Variants in CLDN11 observed in about 807,000 individuals in gnomAD.
CLDN11 encodes the protein claudin-11.
CLDN11 carries 1 observed loss-of-function variant against 18.0 expected under a neutral mutation model. That is an observed-to-expected ratio of 0.06 (90% CI 0.02 to 0.26). The LOEUF is 0.26. CLDN11 is among the 10% of genes least tolerant of loss of function. The pLI is 1.00. For missense variants in CLDN11, 172 were observed against 276.6 expected (o/e 0.62, Z 2.68); for synonymous variants, 116 against 121.5 (o/e 0.96, Z 0.30).
At position 170,433,640 on chromosome 3, in the gene CLDN11, A is replaced by AT. The variant is rs934170587; in HGVS notation, c.*890dup. Reference sequence around the variant, plus strand: ...TAAGTTGAGGGCCAGGGGTAGGGATATTTTTTAGTTTGTGATTTTACATTT... The same window carrying AT: ...TAAGTTGAGGGCCAGGGGTAGGGATATTTTTTTAGTTTGTGATTTTACATTT... On this transcript the variant is annotated 3_prime_UTR_variant, in exon 3 of 3. Transcript: ENST00000064724. 14 of 152,494 alleles carry AT rather than the reference A, an allele frequency of 9.2e-5. No individual in the cohort carries two copies. Among genetic ancestry groups the AT allele is most frequent in the African/African-American group, 2.9e-4 (12 of 41,412 alleles). The allele number at this position is 152,494 out of a possible 1,614,324, so 9.4% of individuals were successfully genotyped here. A position where few individuals can be genotyped will look rare whatever the true frequency, so the allele number is the denominator to read the frequency against.
At chr3:170,429,531 C>T (rs1209249560) in intron 2 of CLDN11, among the ~76,000 whole-genome samples, 1 of 152,146 alleles carries the variant, frequency 6.6e-6, no homozygotes, top group Non-Finnish European at 1.5e-5. Flanking sequence ...TCCATTCGTT[C>T]CCCCGTTCAC....
rs1005606620 is a variant in CLDN11 at position 170,419,676 on chromosome 3, C to T, written c.226+384C>T. On this transcript the variant is annotated intron_variant, in intron 1 of 2. Transcript: ENST00000064724. The surrounding 1 kb of genome is among the most constrained non-coding windows in gnomAD (Gnocchi z 8.6). The stretch of plus-strand genomic sequence containing the variant: ...GCCCGGCCTCCCCCGGGGCGCCGAG[C>T]CTTCGCGTTAGGTTCCGCCCGCAGA... 6.6e-6 allele frequency among the ~76,000 whole-genome samples: 1 copy of T among 152,224 alleles called. No individual in the cohort carries two copies. The highest frequency in any genetic ancestry group is 6.5e-5 in the Admixed American group (1 of 15,290).
chr3:170,421,349 C>T (rs1738718332), intron 1 of CLDN11: 5 of 973,068 alleles, frequency 5.1e-6, no homozygotes, highest in Non-Finnish European at 6.1e-6. Flanking sequence ...TGAGTACTGG[C>T]TCTCTACAAG....
Position 170,419,034 on chromosome 3 carries a change from G to A in CLDN11, c.-33G>A, listed in dbSNP as rs1009787281. On this transcript the variant is annotated 5_prime_UTR_variant, in exon 1 of 3. Transcript: ENST00000064724. This position sits in a 1 kb window ranked among gnomAD's most constrained non-coding sequence, Gnocchi z 8.6. Reference sequence around the variant, plus strand: ...AGCCCAGGCCCAGGCACAGCCGTGAGGGGCGAGGCACGGGGACATCCTGGC... The same window carrying A: ...AGCCCAGGCCCAGGCACAGCCGTGAAGGGCGAGGCACGGGGACATCCTGGC... The A allele has an allele frequency of 6.7e-7, 1 of 1,491,910 alleles. No homozygotes were observed. The highest frequency in any genetic ancestry group is 1.4e-5 in the African/African-American group (1 of 71,908). The allele number at this position is 1,491,910 out of a possible 1,614,324, so 92.4% of individuals were successfully genotyped here. A position where few individuals can be genotyped will look rare whatever the true frequency, so the allele number is the denominator to read the frequency against.
At chr3:170,421,570 G>A (rs1351719156) in intron 1 of CLDN11, among the ~76,000 whole-genome samples, 2 of 152,178 alleles carry the variant, frequency 1.3e-5, no homozygotes, top group South Asian at 2.1e-4. Flanking sequence ...CTTTTTGCAC[G>A]TGAGGGTCGT....
At position 170,432,713 on chromosome 3, in the gene CLDN11, C is replaced by A. The variant is rs771086183; in HGVS notation, c.581C>A (p.Ala194Glu). The A allele has an allele frequency of 6.2e-7, 1 of 1,614,202 alleles. No individual in the cohort carries two copies. Among genetic ancestry groups the A allele is most frequent in the Non-Finnish European group, 8.5e-7 (1 of 1,180,038 alleles). ...AFGENRFYYT[A>E]GSSSPTHAKS... ...GGTGAAAACCGTTTCTACTACACTG[C>A]GGGCTCTAGCTCCCCGACTCATGCG... The change falls in exon 3 of 3, where the codon GCG becomes GAG. Residue 194 changes from alanine (A) to glutamate (E), a missense_variant. Ala to Glu is a moderately radical substitution (Grantham distance 107). Transcript: ENST00000064724.
Position 170,434,348 on chromosome 3 carries a change from C to T in CLDN11, c.*1592C>T, listed in dbSNP as rs141576986. 1.9e-4 allele frequency among the ~76,000 whole-genome samples: 29 copies of T among 152,244 alleles called. No homozygotes were observed. In the East Asian group the frequency reaches 4.0e-3, roughly 21 times the overall value. ...GTGACTTTATGGCATCTTTAATCAT[C>T]GATCAATGGGCAGCAATCAGAAACA... On this transcript the variant is annotated 3_prime_UTR_variant, in exon 3 of 3. Coordinates refer to ENST00000064724, the MANE Select transcript of CLDN11 (RefSeq NM_005602.6).
chr3:170,422,308 G>A (rs1365092166), intron 1 of CLDN11, among the ~76,000 whole-genome samples: 1 of 152,162 alleles, frequency 6.6e-6, no homozygotes, highest in Non-Finnish European at 1.5e-5. Context: ...CTTTTTTGAG[G>A]ATTTGGTATA....
chr3:170,423,605 T>A, intron 2 of CLDN11: 1 of 410,200 alleles, frequency 2.4e-6, no homozygotes, highest in Non-Finnish European at 4.5e-6. Flanking sequence ...ACCTGAAAGA[T>A]GGAAGCCTTC....
intron 1 of CLDN11, among the ~76,000 whole-genome samples, chr3:170,421,046 C>G (rs1208617781): frequency 6.7e-6 from 1 of 149,610 alleles, no homozygotes; most frequent in Non-Finnish European, 1.5e-5. Flanking sequence ...ATAAAATTAA[C>G]TTTGTTTTCT....
intron 2 of CLDN11, among the ~76,000 whole-genome samples, chr3:170,431,231 T>A (rs943408614): frequency 1.3e-5 from 2 of 152,198 alleles, no homozygotes; most frequent in Non-Finnish European, 2.9e-5. Context: ...AATCACTTAC[T>A]ATGAGTAGAA....
chr3:170,429,504 T>C (rs73163841), intron 2 of CLDN11, among the ~76,000 whole-genome samples: 2 of 152,362 alleles, frequency 1.3e-5, no homozygotes, highest in Non-Finnish European at 2.9e-5. Context: ...GAAATGAGAC[T>C]ACTTCTCATC....
chr3:170,430,868 T>G (rs1261657907), intron 2 of CLDN11, among the ~76,000 whole-genome samples: 3 of 152,186 alleles, frequency 2.0e-5, no homozygotes, highest in Admixed American at 1.3e-4. Flanking sequence ...TTAGATAATC[T>G]ATAAATAATT....
In CLDN11 at chr3:170,419,309, G is replaced by C. The variant is rs747280498; in HGVS notation, c.226+17G>C. 32 of 1,529,678 alleles carry C rather than the reference G, an allele frequency of 2.1e-5. No homozygotes were observed. The highest frequency in any genetic ancestry group is 2.7e-5 in the Non-Finnish European group (31 of 1,128,580). 94.8% of individuals were successfully genotyped at this position (1,529,678 alleles called of 1,614,324 possible). ...TCCTGCCGGGTAAGGACCCGAGCTT[G>C]GCGGCGGCTCCCAAATCCTTATCCT... On this transcript the variant is annotated intron_variant, in intron 1 of 2. Coordinates refer to ENST00000064724, the MANE Select transcript of CLDN11 (RefSeq NM_005602.6). This position sits in a 1 kb window ranked among gnomAD's most constrained non-coding sequence, Gnocchi z 8.6.
At chr3:170,430,308 C>T (rs1738966884) in intron 2 of CLDN11, among the ~76,000 whole-genome samples, 1 of 152,110 alleles carries the variant, frequency 6.6e-6, no homozygotes, top group African/African-American at 2.4e-5. Context: ...GGAGTTCACG[C>T]CAGAGAAGAG....
intron 2 of CLDN11, among the ~76,000 whole-genome samples, chr3:170,426,468 G>C (rs1423804460): frequency 6.6e-6 from 1 of 152,154 alleles, no homozygotes; most frequent in Non-Finnish European, 1.5e-5. Flanking sequence ...AGGTGCCTGT[G>C]CCCTGAATTG....
chr3:170,427,653 A>G (rs1454693826), intron 2 of CLDN11, among the ~76,000 whole-genome samples: 1 of 151,336 alleles, frequency 6.6e-6, no homozygotes, highest in Non-Finnish European at 1.5e-5. Flanking sequence ...ACCAACCAAA[A>G]CTACAAAAAT....
intron 2 of CLDN11, 45 bp downstream of exon 2, chr3:170,423,372 A>G (rs755705249): frequency 3.1e-6 from 5 of 1,597,370 alleles, no homozygotes; most frequent in Non-Finnish European, 4.3e-6. Context: ...AGGGAGCCTG[A>G]TGAATCTCAG....
chr3:170,430,769 C>G (rs1052210745), intron 2 of CLDN11, among the ~76,000 whole-genome samples: 1 of 151,990 alleles, frequency 6.6e-6, no homozygotes, highest in Non-Finnish European at 1.5e-5. Context: ...TGATCTTGAA[C>G]TCCTGACCTC....
Sources: allele counts gnomAD v4.1 joint callset (sites outside exome capture counted in the v4.1 genomes callset), GRCh38; gene constraint gnomAD v4.1.1; non-coding constraint Gnocchi (gnomAD v3.1); transcripts MANE v1.5; gene names NCBI Gene and HGNC (gene_info 2026-07-23, HGNC 2026-07-21).